The following CYP21A2 variants were observed in gnomAD, a reference collection of about 807,000 sequenced individuals.
CYP21A2 encodes cytochrome P450 family 21 subfamily A member 2, also known as steroid 21-hydroxylase.
CYP21A2 carries 24 observed loss-of-function variants against 47.4 expected under a neutral mutation model. The observed-to-expected ratio is 0.51, with a 90% CI of 0.37 to 0.71. The LOEUF (loss-of-function observed/expected upper bound fraction) is 0.71, where lower values mean the gene tolerates loss of function less well. Among genes scored for constraint, CYP21A2 ranks in the 30% least tolerant of loss-of-function variants. The pLI, the probability that CYP21A2 is intolerant of heterozygous loss-of-function variation, is 0.00. For missense variants in CYP21A2, 358 were observed against 643.2 expected (o/e 0.56, Z 4.80); for synonymous variants, 130 against 273.9 (o/e 0.47, Z 5.19).
chr6:32,039,775 G>C lies in CYP21A2; in HGVS notation c.678G>C (p.Arg226Ser), dbSNP rs1776143360. Residue 226 changes from arginine to serine, a missense_variant, in exon 6 of 10, where the codon AGG (arginine) becomes AGC (serine). By Grantham distance (110) the Arg-to-Ser change is moderately radical (BLOSUM62 -1). Transcript: ENST00000644719. The part of the protein sequence containing the change: ...LRFFPNPGLR[R>S]LKQAIEKRDH... ...TCTTCCCCAATCCAGGTCTCCGGAG[G>C]CTGAAGCAGGCCATAGAGAAGAGGG... The C allele has an allele frequency of 6.2e-7, 1 of 1,613,564 alleles. No individual in the cohort carries two copies. The highest frequency in any genetic ancestry group is 1.1e-5 in the South Asian group (1 of 90,916).
rs760710835 is a variant in CYP21A2 at position 32,039,357 on chromosome 6, G to T, written c.449G>T (p.Arg150Leu). The T allele has an allele frequency of 1.2e-6, 2 of 1,606,388 alleles. No homozygotes were observed. The highest frequency in any genetic ancestry group is 1.7e-6 in the Non-Finnish European group (2 of 1,176,534). ...TGAACTCACACTGTTTCTCCACAGC[G>T]CATGAGAGCCCAGCCCGGCACCCCT... ...VEQLTQEFCE[R>L]MRAQPGTPVA... The change falls in exon 4 of 10, where the codon CGC (arginine) becomes CTC (leucine). Residue 150 changes from arginine to leucine, a missense_variant and splice_region_variant. Coordinates refer to ENST00000644719, the MANE Select transcript of CYP21A2 (RefSeq NM_000500.9).
rs1489113187 is a variant in CYP21A2, at chr6:32,038,516, C to T, written c.94C>T (p.Pro32Ser). The T allele has an allele frequency of 6.2e-7, 1 of 1,607,836 alleles. No individual in the cohort carries two copies. The highest frequency in any genetic ancestry group is 1.1e-5 in the South Asian group (1 of 90,240). Reference protein sequence around the residue: ...WWKLRSLHLPPLAPGFLHLLQ... With the variant: ...WWKLRSLHLPSLAPGFLHLLQ... ...GAAGCTCCGGAGCCTCCACCTCCCG[C>T]CTCTTGCCCCGGGCTTCTTGCACCT... The change falls in exon 1 of 10, where the codon CCT (proline) becomes TCT (serine). Residue 32 changes from proline (P) to serine (S), a missense_variant. By Grantham distance (74) the Pro-to-Ser change is moderately conservative (BLOSUM62 -1). Transcript: ENST00000644719.
Position 32,040,390 on chromosome 6 carries a change from C to A in CYP21A2, c.940-16C>A. The A allele has an allele frequency of 6.2e-7, 1 of 1,612,730 alleles. No homozygotes were observed. Among genetic ancestry groups the A allele is most frequent in the East Asian group, 2.2e-5 (1 of 44,864 alleles). On this transcript the variant is annotated splice_polypyrimidine_tract_variant and intron_variant, in intron 7 of 9. Transcript: ENST00000644719. ...TGTGGGCTGCTGGGGCAGGACTCCA[C>A]CCGATCATTCCCCAGATTCAGCAGC... is the stretch of plus-strand genomic sequence containing the variant.
At position 32,039,803 on chromosome 6, in the gene CYP21A2, C is replaced by G; in HGVS notation, c.706C>G (p.His236Asp). The change falls in exon 6 of 10, where the codon CAC becomes GAC. Residue 236 changes from histidine (H) to aspartate (D), a missense_variant. Physicochemically the swap from His to Asp is moderately conservative, Grantham distance 81. Transcript: ENST00000644719. ...GAAGCAGGCCATAGAGAAGAGGGAT[C>G]ACATCGTGGAGATGCAGCTGAGGCA... ...RLKQAIEKRD[H>D]IVEMQLRQHK... The G allele has an allele frequency of 6.2e-7, 1 of 1,614,016 alleles. No individual in the cohort carries two copies.
At position 32,039,792 on chromosome 6, in the gene CYP21A2, A is replaced by C. The variant is rs1776145449; in HGVS notation, c.695A>C (p.Glu232Ala). ...PGLRRLKQAIEKRDHIVEMQL... is the reference protein window; with the variant it reads ...PGLRRLKQAIAKRDHIVEMQL... ...CTCCGGAGGCTGAAGCAGGCCATAG[A>C]GAAGAGGGATCACATCGTGGAGATG... Residue 232 changes from glutamate (E) to alanine (A), a missense_variant, in exon 6 of 10, where the codon GAG becomes GCG. Transcript: ENST00000644719. The C allele has an allele frequency of 1.2e-6, 2 of 1,613,978 alleles. No homozygotes were observed. Among genetic ancestry groups the C allele is most frequent in the African/African-American group, 2.7e-5 (2 of 75,038 alleles).
At chr6:32,039,675 G>A in intron 5 of CYP21A2, 28 bp downstream of exon 5, 1 of 1,565,444 alleles carries the variant, frequency 6.4e-7, no homozygotes, top group Non-Finnish European at 8.7e-7. Context: ...AGACACCCCT[G>A]GGTTGTAGGG....
At chr6:32,039,046 A>C (rs59064806) in intron 2 of CYP21A2, 48 bp from the exon 3 acceptor site, 1 of 1,569,108 alleles carries the variant, frequency 6.4e-7, no homozygotes, top group Non-Finnish European at 8.7e-7. Flanking sequence ...TCAGGCCCTC[A>C]GCTGCCTTCA....
chr6:32,040,167 C>T lies in CYP21A2; in HGVS notation c.901C>T (p.Leu301Phe), dbSNP rs765001985. 2 of 1,612,896 alleles carry T rather than the reference C, an allele frequency of 1.2e-6. No individual in the cohort carries two copies. Among genetic ancestry groups the T allele is most frequent in the South Asian group, 1.1e-5 (1 of 91,076 alleles). The change falls in exon 7 of 10, where the codon CTC becomes TTC. Residue 301 changes from leucine (L) to phenylalanine (F), a missense_variant. Transcript: ENST00000644719. Reference sequence around the variant, plus strand: ...TGGCACTGAGACCACAGCAAACACCCTCTCCTGGGCCGTGGTTTTTTTGCT... The same window carrying T: ...TGGCACTGAGACCACAGCAAACACCTTCTCCTGGGCCGTGGTTTTTTTGCT... Reference protein sequence around the residue: ...IGGTETTANTLSWAVVFLLHH... With the variant: ...IGGTETTANTFSWAVVFLLHH...
intron 7 of CYP21A2, 100 bp from the exon 8 acceptor site, chr6:32,040,306 T>A: frequency 1.2e-6 from 2 of 1,611,476 alleles, no homozygotes; most frequent in Non-Finnish European, 1.7e-6. Flanking sequence ...GGGCTGTGCT[T>A]GCCTCACCGG....
intron 4 of CYP21A2, 44 bp downstream of exon 4, chr6:32,039,501 C>A: frequency 6.4e-7 from 1 of 1,571,458 alleles, no homozygotes; most frequent in Non-Finnish European, 8.6e-7. Flanking sequence ...CCTCCCTGAG[C>A]CTCTCCTTGT....
chr6:32,039,840 G>A lies in CYP21A2; in HGVS notation c.738+5G>A. 1.2e-6 allele frequency: 2 copies of A among 1,613,412 alleles called. No individual in the cohort carries two copies. The highest frequency in any genetic ancestry group is 1.7e-6 in the Non-Finnish European group (2 of 1,179,704). On this transcript the variant is annotated splice_donor_5th_base_variant and intron_variant, in intron 6 of 9. Coordinates refer to ENST00000644719, the MANE Select transcript of CYP21A2 (RefSeq NM_000500.9). ...ATGCAGCTGAGGCAGCACAAGGTGG[G>A]GACTGTACGTGGACGGCCTCCCCTC... is the stretch of plus-strand genomic sequence containing the variant.
In CYP21A2 at chr6:32,040,021, G is replaced by A. The variant is rs1776170721; in HGVS notation, c.755G>A (p.Gly252Asp). 1 of 1,611,898 alleles carries A rather than the reference G, an allele frequency of 6.2e-7. No individual in the cohort carries two copies. Among genetic ancestry groups the A allele is most frequent in the Non-Finnish European group, 8.5e-7 (1 of 1,179,466 alleles). The change falls in exon 7 of 10, where the codon GGC becomes GAC. Residue 252 changes from glycine (G) to aspartate (D), a missense_variant. Transcript: ENST00000644719. Reference protein sequence around the residue: ...LRQHKESLVAGQWRDMMDYML... With the variant: ...LRQHKESLVADQWRDMMDYML... Reference sequence around the variant, plus strand: ...CCTCTGCAGGAGAGCCTCGTGGCAGGCCAGTGGAGGGACATGATGGACTAC... The same window carrying A: ...CCTCTGCAGGAGAGCCTCGTGGCAGACCAGTGGAGGGACATGATGGACTAC...
chr6:32,040,191 C>G lies in CYP21A2; in HGVS notation c.925C>G (p.Leu309Val), dbSNP rs1776193891. The change falls in exon 7 of 10, where the codon CTT (leucine) becomes GTT (valine). Residue 309 changes from leucine (L) to valine (V), a missense_variant. By Grantham distance (32) the Leu-to-Val change is conservative (BLOSUM62 1). Transcript: ENST00000644719. ...NTLSWAVVFL[L>V]HHPEIQQRLQ... ...CCTCTCCTGGGCCGTGGTTTTTTTG[C>G]TTCACCACCCTGAGGTGCGTCCTGG... 1 of 1,612,694 alleles carries G rather than the reference C, an allele frequency of 6.2e-7. No homozygotes were observed. Among genetic ancestry groups the G allele is most frequent in the South Asian group, 1.1e-5 (1 of 91,076 alleles).
Position 32,040,448 on chromosome 6 carries a change from C to G in CYP21A2, c.982C>G (p.Pro328Ala), listed in dbSNP as rs891233264. ...LQEELDHELG[P>A]GASSSRVPYK... Reference sequence around the variant, plus strand: ...GGAGGAGCTAGACCACGAACTGGGCCCTGGTGCCTCCAGCTCCCGGGTCCC... The same window carrying G: ...GGAGGAGCTAGACCACGAACTGGGCGCTGGTGCCTCCAGCTCCCGGGTCCC... The change falls in exon 8 of 10, where the codon CCT becomes GCT. Residue 328 changes from proline to alanine, a missense_variant. Transcript: ENST00000644719. 6.2e-7 allele frequency: 1 copy of G among 1,613,056 alleles called. No individual in the cohort carries two copies. Among genetic ancestry groups the G allele is most frequent in the African/African-American group, 1.3e-5 (1 of 74,936 alleles).
At position 32,041,610 on chromosome 6, in the gene CYP21A2, C is replaced by G. The variant is rs1031393903; in HGVS notation, c.*476C>G. 8.3e-6 allele frequency: 9 copies of G among 1,083,042 alleles called. 2 individuals are homozygous for G. In the African/African-American group the frequency reaches 1.5e-4, roughly 18 times the overall value. 67.1% of individuals were successfully genotyped at this position (1,083,042 alleles called of 1,614,324 possible). ...ATTGAGGCTTAATTCTGAGCTGGCCCTTTCCAGCCAATAAATCAACTCCAG... is the reference window on the plus strand; with the variant it reads ...ATTGAGGCTTAATTCTGAGCTGGCCGTTTCCAGCCAATAAATCAACTCCAG... On this transcript the variant is annotated 3_prime_UTR_variant, in exon 10 of 10. Coordinates refer to ENST00000644719, the MANE Select transcript of CYP21A2 (RefSeq NM_000500.9).
chr6:32,039,272 C>T (rs1375186781), intron 3 of CYP21A2, 24 bp downstream of exon 3: 1 of 1,572,728 alleles, frequency 6.4e-7, no homozygotes, highest in Non-Finnish European at 8.6e-7. Flanking sequence ...CCTGAGGCCA[C>T]CTCGGGTCAG....
rs182942340 is a variant in CYP21A2 at position 32,040,020 on chromosome 6, G to A, written c.754G>A (p.Gly252Ser). The part of the protein sequence containing the change: ...LRQHKESLVA[G>S]QWRDMMDYML... The stretch of plus-strand genomic sequence containing the variant: ...CCCTCTGCAGGAGAGCCTCGTGGCA[G>A]GCCAGTGGAGGGACATGATGGACTA... The change falls in exon 7 of 10, where the codon GGC (glycine) becomes AGC (serine). Residue 252 changes from glycine to serine, a missense_variant. Gly to Ser is a moderately conservative substitution (Grantham distance 56). Transcript: ENST00000644719. 1.2e-6 allele frequency: 2 copies of A among 1,611,932 alleles called. No individual in the cohort carries two copies. Among genetic ancestry groups the A allele is most frequent in the African/African-American group, 2.7e-5 (2 of 74,954 alleles).
At chr6:32,038,855 T>G (rs773754525) in intron 2 of CYP21A2, 44 bp downstream of exon 2, 36 of 1,433,270 alleles carry the variant, frequency 2.5e-5, no homozygotes, top group South Asian at 2.2e-4. Context: ...AAATTTTTTT[T>G]TAAGAGATGG....
At position 32,039,427 on chromosome 6, in the gene CYP21A2, C is replaced by G; in HGVS notation, c.519C>G (p.Ile173Met). ...TCTCTCTCCTCACCTGCAGCATCAT[C>G]TGTTACCTCACCTTCGGAGACAAGA... ...EEFSLLTCSIICYLTFGDKIK... is the reference protein window; with the variant it reads ...EEFSLLTCSIMCYLTFGDKIK... The change falls in exon 4 of 10, where the codon ATC becomes ATG. Residue 173 changes from isoleucine to methionine, a missense_variant. Ile to Met is a conservative substitution (Grantham distance 10). Transcript: ENST00000644719. The G allele has an allele frequency of 1.2e-6, 2 of 1,613,388 alleles. No homozygotes were observed. Among genetic ancestry groups the G allele is most frequent in the South Asian group, 2.2e-5 (2 of 90,918 alleles).
Sources: allele counts gnomAD v4.1 joint callset, GRCh38; gene constraint gnomAD v4.1.1; transcripts MANE v1.5; gene names NCBI Gene and HGNC (gene_info 2026-07-23, HGNC 2026-07-21).